TSPAN9: variants seen among roughly 807,000 people sequenced by gnomAD.
The protein encoded by TSPAN9 is tetraspanin 9, also known as tetraspanin-9.
A neutral mutation model predicts 31.0 loss-of-function variants in TSPAN9; 16 were observed. The ratio of observed to expected loss-of-function variants is 0.52; its 90% CI spans 0.35 to 0.78. The LOEUF is 0.78. Among genes scored for constraint, TSPAN9 ranks in the 30% least tolerant of loss-of-function variants. TSPAN9 has a pLI of 0.01. For missense variants in TSPAN9, 272 were observed against 312.5 expected (o/e 0.87, Z 0.98); for synonymous variants, 145 against 121.6 (o/e 1.19, Z -1.27).
chr12:3,090,201 A>G (rs1439718997), intron 2 of TSPAN9, among the ~76,000 whole-genome samples: 2 of 144,668 alleles, frequency 1.4e-5, no homozygotes, highest in African/African-American at 5.5e-5. Flanking sequence ...GTACATTCAG[A>G]ACAACCTTAT....
chr12:3,105,905 T>C (rs2098314389), intron 2 of TSPAN9, among the ~76,000 whole-genome samples: 1 of 151,152 alleles, frequency 6.6e-6, no homozygotes, highest in Admixed American at 6.6e-5. Context: ...CGGGCACTCA[T>C]GTTCTCAGGT....
At chr12:3,146,706 C>G (rs1250321151) in intron 2 of TSPAN9, among the ~76,000 whole-genome samples, 1 of 152,180 alleles carries the variant, frequency 6.6e-6, no homozygotes, top group African/African-American at 2.4e-5. Context: ...TGTCTATGGC[C>G]TTTCTCCACC....
intron 3 of TSPAN9, among the ~76,000 whole-genome samples, chr12:3,266,103 CAG>C (rs1229916165): frequency 2.0e-5 from 3 of 152,174 alleles, no homozygotes; most frequent in Admixed American, 2.0e-4. Flanking sequence ...ACTCCAGGCC[CAG>C]AGGCTTGTGT....
At chr12:3,257,777 A>ACGGGGGGGGGG (rs1862376708) in intron 3 of TSPAN9, among the ~76,000 whole-genome samples, 2 of 140,972 alleles carry the variant, frequency 1.4e-5, no homozygotes, top group Non-Finnish European at 3.0e-5. Flanking sequence ...CGGGAGGGGT[A>ACGGGGGGGGGG]GGGGGGCGGC....
At chr12:3,241,606 A>G (rs1245313959) in intron 3 of TSPAN9, among the ~76,000 whole-genome samples, 1 of 152,242 alleles carries the variant, frequency 6.6e-6, no homozygotes, top group Admixed American at 6.5e-5. Context: ...ATAATTTTAA[A>G]CAAGCACTTT....
chr12:3,283,243 C>T lies in TSPAN9; in HGVS notation c.*127C>T. The T allele has an allele frequency of 1.1e-6, 1 of 936,420 alleles. No homozygotes were observed. Among genetic ancestry groups the T allele is most frequent in the Admixed American group, 2.5e-5 (1 of 39,398 alleles). 58.0% of individuals were successfully genotyped at this position (936,420 alleles called of 1,614,324 possible). On this transcript the variant is annotated 3_prime_UTR_variant, in exon 9 of 9. Coordinates refer to ENST00000011898, the MANE Select transcript of TSPAN9 (RefSeq NM_006675.5). Reference sequence around the variant, plus strand: ...CCCACCCCCCACAGCCTGCCCTACCCCACCTACCCTGCCTCAGCCTCGGAC... The same window carrying T: ...CCCACCCCCCACAGCCTGCCCTACCTCACCTACCCTGCCTCAGCCTCGGAC...
intron 2 of TSPAN9, among the ~76,000 whole-genome samples, chr12:3,139,170 T>TG (rs911281777): frequency 6.6e-6 from 1 of 152,192 alleles, no homozygotes; most frequent in Admixed American, 6.5e-5. Context: ...GTTTTGCTTT[T>TG]GGTGGGGGGC....
chr12:3,097,322 A>G (rs1450829850), intron 2 of TSPAN9, among the ~76,000 whole-genome samples: 1 of 152,160 alleles, frequency 6.6e-6, no homozygotes, highest in Non-Finnish European at 1.5e-5. Flanking sequence ...GGCCAAATCC[A>G]TGAGGACTTG....
At chr12:3,200,243 C>G (rs151096323) in intron 2 of TSPAN9, 2 of 152,174 alleles carry the variant, frequency 1.3e-5, no homozygotes, top group African/African-American at 4.8e-5. Context: ...CCAGCGGGGC[C>G]GGGAAGGCCT....
At chr12:3,099,194 G>A (rs1011377536) in intron 2 of TSPAN9, among the ~76,000 whole-genome samples, 1 of 100,846 alleles carries the variant, frequency 9.9e-6, no homozygotes, top group Non-Finnish European at 2.0e-5. Flanking sequence ...ATATTGTCCT[G>A]TAGGTTGCTG....
At chr12:3,270,502 C>T (rs941845949) in intron 3 of TSPAN9, among the ~76,000 whole-genome samples, 9 of 152,352 alleles carry the variant, frequency 5.9e-5, no homozygotes, top group African/African-American at 2.2e-4. Flanking sequence ...GCTATACCAA[C>T]CTAGAGTCTC....
chr12:3,205,548 T>G (rs1398953644), intron 3 of TSPAN9, among the ~76,000 whole-genome samples: 2 of 152,112 alleles, frequency 1.3e-5, no homozygotes, highest in Non-Finnish European at 1.5e-5. Flanking sequence ...ATGGTCAGTG[T>G]TGGGTGGCCT....
rs60390468 is a variant in TSPAN9 at position 3,226,718 on chromosome 12, ATG to A, written c.63+25488_63+25489del. Among the ~76,000 whole-genome samples the A allele has an allele frequency of 9.5e-3, 145 of 15,310 alleles. 7 individuals are homozygous for A. The highest frequency in any genetic ancestry group is 0.012 in the Non-Finnish European group (94 of 8,062). The allele number at this position is 15,310 out of a possible 152,430, so 10.0% of individuals were successfully genotyped here. On this transcript the variant is annotated intron_variant, in intron 3 of 8. Transcript: ENST00000011898. ...TGTGTGTGTGTGTGTATGTGTATGT[ATG>A]TGTGTGTGTGTGTGTGTGTGTGTGT...
chr12:3,210,621 C>T (rs1042774822), intron 3 of TSPAN9, among the ~76,000 whole-genome samples: 14 of 152,108 alleles, frequency 9.2e-5, no homozygotes, highest in Non-Finnish European at 1.8e-4. Context: ...TCACTTTCTT[C>T]ATGGGGTCTC....
intron 2 of TSPAN9, among the ~76,000 whole-genome samples, chr12:3,101,748 C>T (rs2098311935): frequency 6.6e-6 from 1 of 152,180 alleles, no homozygotes; most frequent in African/African-American, 2.4e-5. Context: ...CACCTTGTCC[C>T]ATTGTCTCCT....
chr12:3,225,612 A>AC (rs1406016551), intron 3 of TSPAN9, among the ~76,000 whole-genome samples: 1 of 151,864 alleles, frequency 6.6e-6, no homozygotes, highest in Non-Finnish European at 1.5e-5. Flanking sequence ...TGAGCAATGT[A>AC]CCCCTGCACA....
At chr12:3,174,788 T>C (rs563423976) in intron 2 of TSPAN9, among the ~76,000 whole-genome samples, 47 of 149,138 alleles carry the variant, frequency 3.2e-4, no homozygotes, top group African/African-American at 9.0e-4. Flanking sequence ...TTCACCGTGT[T>C]AGCCAGGATG....
chr12:3,157,747 C>T (rs932139773), intron 2 of TSPAN9, among the ~76,000 whole-genome samples: 22 of 152,112 alleles, frequency 1.4e-4, no homozygotes, highest in Non-Finnish European at 2.5e-4. Flanking sequence ...CTTCCATTCC[C>T]GGGACACTTC....
chr12:3,115,338 G>A (rs2098321709), intron 2 of TSPAN9, among the ~76,000 whole-genome samples: 1 of 152,182 alleles, frequency 6.6e-6, no homozygotes, highest in Non-Finnish European at 1.5e-5. Context: ...GTCATTGACT[G>A]ACTTGTGAGT....
Sources: allele counts gnomAD v4.1 joint callset (sites outside exome capture counted in the v4.1 genomes callset), GRCh38; gene constraint gnomAD v4.1.1; transcripts MANE v1.5; gene names NCBI Gene and HGNC (gene_info 2026-07-23, HGNC 2026-07-21).